The following R3HDM1 variants were observed in gnomAD, a reference collection of about 807,000 sequenced individuals.
R3HDM1 encodes R3H domain-containing protein 1.
R3HDM1 carries 46 observed loss-of-function variants against 141.1 expected under a neutral mutation model. The observed-to-expected ratio is 0.33, with a 90% CI of 0.26 to 0.42. R3HDM1 has a LOEUF of 0.42. Among genes scored for constraint, R3HDM1 ranks in the 10% least tolerant of loss-of-function variants. The pLI, the probability that R3HDM1 is intolerant of heterozygous loss-of-function variation, is 1.00. For missense variants in R3HDM1, 1,184 were observed against 1,368.3 expected, an observed-to-expected ratio of 0.87 and a Z score of 2.12; for synonymous variants, 435 against 472.9, an observed-to-expected ratio of 0.92 and a Z score of 1.04.
At chr2:135,550,758 C>G (rs1052820512) in intron 1 of R3HDM1, among the ~76,000 whole-genome samples, 5 of 152,106 alleles carry the variant, frequency 3.3e-5, no homozygotes, top group Non-Finnish European at 7.3e-5. Flanking sequence ...ACTTGTCCTC[C>G]TCTTATAAAA....
chr2:135,633,848 A>G (rs1221598236), intron 9 of R3HDM1: 1 of 152,210 alleles, frequency 6.6e-6, no homozygotes, highest in African/African-American at 2.4e-5. Context: ...TCTTAAGGTT[A>G]GCTGAAATGC....
chr2:135,661,647 T>G (rs1205998602), intron 19 of R3HDM1, among the ~76,000 whole-genome samples: 1 of 152,242 alleles, frequency 6.6e-6, no homozygotes. Flanking sequence ...GTTAAGTGGC[T>G]GCCATCTCTT....
chr2:135,609,440 T>A (rs931348823), intron 3 of R3HDM1, among the ~76,000 whole-genome samples: 1 of 152,336 alleles, frequency 6.6e-6, no homozygotes, highest in Admixed American at 6.5e-5. Context: ...AATTGTTGAT[T>A]ATGGTCTCAA....
chr2:135,575,374 G>T (rs1705166131), intron 1 of R3HDM1, among the ~76,000 whole-genome samples: 1 of 152,142 alleles, frequency 6.6e-6, no homozygotes, highest in Admixed American at 6.5e-5. Context: ...TAGAGACAGG[G>T]TTTCACCATG....
chr2:135,584,760 G>GGA (rs929415064), intron 1 of R3HDM1, among the ~76,000 whole-genome samples: 1 of 152,128 alleles, frequency 6.6e-6, no homozygotes, highest in African/African-American at 2.4e-5. Flanking sequence ...TCCAAAGCTT[G>GGA]GAGAGAGAGA....
At chr2:135,634,154 T>C (rs2105225349) in intron 9 of R3HDM1, among the ~76,000 whole-genome samples, 1 of 152,304 alleles carries the variant, frequency 6.6e-6, no homozygotes, top group African/African-American at 2.4e-5. Flanking sequence ...TCTTCCTATT[T>C]TTCTTTTACT....
At position 135,722,580 on chromosome 2, in the gene R3HDM1, T is replaced by G. The variant is rs1445927715; in HGVS notation, c.3049+27T>G. The G allele has an allele frequency of 1.9e-6, 3 of 1,597,020 alleles. No homozygotes were observed. In the South Asian group the frequency reaches 3.4e-5, roughly 18 times the overall value. The stretch of plus-strand genomic sequence containing the variant: ...TATGTCTCTGAGGGGCAACTAGATG[T>G]GGGTCTGCAAACTGGTGACAGTCTA... On this transcript the variant is annotated intron_variant, in intron 26 of 26. Coordinates refer to ENST00000683871, the MANE Select transcript of R3HDM1 (RefSeq NM_001378107.1).
At chr2:135,677,299 T>C (rs2069358456) in intron 20 of R3HDM1, among the ~76,000 whole-genome samples, 1 of 152,186 alleles carries the variant, frequency 6.6e-6, no homozygotes, top group South Asian at 2.1e-4. Context: ...TCCATCTTCA[T>C]TTTCTCTCAC....
chr2:135,661,586 G>A lies in R3HDM1; in HGVS notation c.2152+193G>A, dbSNP rs149410770. 1.2e-4 allele frequency among the ~76,000 whole-genome samples: 19 copies of A among 152,280 alleles called. No individual in the cohort carries two copies. The Middle Eastern group carries it at 0.01, about 82-fold the overall frequency. The stretch of plus-strand genomic sequence containing the variant: ...CCTCTGGAAAATACCACAGTGTCAC[G>A]TCTACATGCTAAAGGGTTGGGAGCT... On this transcript the variant is annotated intron_variant, in intron 19 of 26. Transcript: ENST00000683871.
At position 135,638,746 on chromosome 2, in the gene R3HDM1, G is replaced by T. The variant is rs139991249; in HGVS notation, c.949G>T (p.Asp317Tyr). Residue 317 changes from aspartate to tyrosine, a missense_variant, in exon 13 of 27, where the codon GAC becomes TAC. Asp to Tyr is a radical substitution (Grantham distance 160). Transcript: ENST00000683871. ...ENYIIDKRLQ[D>Y]EDASSTQQRR... ...CTATTAAAATGCCAACAGACTCCAA[G>T]ACGAGGATGCCAGTAGTACCCAGCA... The T allele has an allele frequency of 1.9e-6, 3 of 1,613,906 alleles. No homozygotes were observed. The highest frequency in any genetic ancestry group is 2.5e-6 in the Non-Finnish European group (3 of 1,180,016).
At chr2:135,669,279 C>T (rs1275896896) in intron 19 of R3HDM1, 3 of 985,198 alleles carry the variant, frequency 3.0e-6, no homozygotes, top group Non-Finnish European at 2.4e-6. Flanking sequence ...TGCTTATTTA[C>T]ACCTGCTCTT....
chr2:135,612,899 T>G (rs1168625024), intron 3 of R3HDM1, among the ~76,000 whole-genome samples: 2 of 152,250 alleles, frequency 1.3e-5, no homozygotes, highest in African/African-American at 4.8e-5. Context: ...AATAAACAAC[T>G]TGTTTTCTCT....
intron 21 of R3HDM1, among the ~76,000 whole-genome samples, chr2:135,706,950 G>A (rs1015049361): frequency 1.3e-5 from 2 of 152,048 alleles, no homozygotes; most frequent in African/African-American, 4.8e-5. Flanking sequence ...CCCAGTAGGG[G>A]CGGCCGGGCA....
chr2:135,557,630 T>C (rs140006271), intron 1 of R3HDM1, among the ~76,000 whole-genome samples: 3 of 152,332 alleles, frequency 2.0e-5, no homozygotes, highest in Non-Finnish European at 4.4e-5. Context: ...TTGATCCCGA[T>C]AGCAGTGAGC....
chr2:135,625,517 A>G (rs2061928961), intron 7 of R3HDM1, among the ~76,000 whole-genome samples: 1 of 152,210 alleles, frequency 6.6e-6, no homozygotes, highest in Non-Finnish European at 1.5e-5. Flanking sequence ...TAAGATTGCG[A>G]AATATATATA....
intron 17 of R3HDM1, chr2:135,651,445 A>G (rs182485087): frequency 1.0e-6 from 1 of 975,460 alleles, no homozygotes; most frequent in Non-Finnish European, 1.2e-6. Flanking sequence ...CTTCATTTAA[A>G]TAAATGTCTT....
chr2:135,531,807 C>T, intron 1 of R3HDM1, 174 bp downstream of exon 1: 1 of 985,376 alleles, frequency 1.0e-6, no homozygotes, highest in Non-Finnish European at 1.2e-6. Flanking sequence ...CCAGGGCCTT[C>T]TGACGTCCCG....
intron 23 of R3HDM1, among the ~76,000 whole-genome samples, chr2:135,712,323 G>T (rs1344648948): frequency 6.6e-6 from 1 of 152,026 alleles, no homozygotes; most frequent in Non-Finnish European, 1.5e-5. Context: ...GAGTGCAGTG[G>T]CATGTTCTGG....
chr2:135,545,823 T>G (rs576645220), intron 1 of R3HDM1, among the ~76,000 whole-genome samples: 1 of 152,202 alleles, frequency 6.6e-6, no homozygotes, highest in African/African-American at 2.4e-5. Context: ...TTCTTAGTGT[T>G]TAAACAAAAG....
Sources: gnomAD v4.1 joint callset for allele counts (sites outside exome capture counted in the v4.1 genomes callset) on GRCh38, gnomAD v4.1.1 for gene constraint, MANE v1.5 for transcripts, NCBI Gene and HGNC (gene_info 2026-07-23, HGNC 2026-07-21) for gene names.